Variants in MAGI3 observed in about 807,000 individuals in gnomAD.
The protein encoded by MAGI3 is membrane-associated guanylate kinase, WW and PDZ domain-containing protein 3.
In MAGI3, 43 loss-of-function variants were observed where a neutral mutation model predicts 121.8. That is an observed-to-expected ratio of 0.35 (90% CI 0.28 to 0.46). The LOEUF is 0.46. Ranked by LOEUF, MAGI3 falls within the 20% of genes least tolerant of loss-of-function variation. MAGI3 has a pLI of 1.00. For synonymous variants in MAGI3, 553 were observed against 639.3 expected, an observed-to-expected ratio of 0.86 and a Z score of 2.04; for missense variants, 1,547 against 1,797.3, an observed-to-expected ratio of 0.86 and a Z score of 2.52.
intron 1 of MAGI3, among the ~76,000 whole-genome samples, chr1:113,464,630 T>A (rs1655187202): frequency 6.6e-6 from 1 of 152,220 alleles, no homozygotes; most frequent in East Asian, 1.9e-4. Context: ...GTATAAGGGT[T>A]CCCCTTTGTT....
At position 113,425,226 on chromosome 1, in the gene MAGI3, C is replaced by T. The variant is rs1421480452; in HGVS notation, c.316+33877C>T. ...TGGTAAAATTATCCAGTGAAATAGG[C>T]TAGGCCTGGAGATTTCTTTTTTCAA... is the stretch of plus-strand genomic sequence containing the variant. On this transcript the variant is annotated intron_variant, in intron 1 of 20. Transcript: ENST00000307546. Among the ~76,000 whole-genome samples, 4 of 149,920 alleles carry T rather than the reference C, an allele frequency of 2.7e-5. No homozygotes were observed. In the East Asian group the frequency reaches 5.8e-4, roughly 22 times the overall value.
intron 2 of MAGI3, among the ~76,000 whole-genome samples, chr1:113,568,301 T>A (rs1258362862): frequency 6.6e-6 from 1 of 152,070 alleles, no homozygotes; most frequent in Non-Finnish European, 1.5e-5. Context: ...GAAATTAACC[T>A]CTAATGAAAC....
intron 1 of MAGI3, among the ~76,000 whole-genome samples, chr1:113,505,512 T>TAATAAATAAATAAATAAATAAATA (rs58511819): frequency 2.0e-4 from 27 of 135,598 alleles, no homozygotes; most frequent in South Asian, 2.5e-4. Context: ...GGTCCCTACA[T>TAATAAATAAATAAATAAATAAATA]AATAAATAAA....
intron 1 of MAGI3, among the ~76,000 whole-genome samples, chr1:113,452,111 G>A (rs1654512940): frequency 6.6e-6 from 1 of 152,114 alleles, no homozygotes; most frequent in Admixed American, 6.6e-5. Flanking sequence ...GCAGAAGCAG[G>A]GCAAACTGTT....
chr1:113,676,609 G>C (rs1033397858), intron 19 of MAGI3, among the ~76,000 whole-genome samples: 1 of 152,124 alleles, frequency 6.6e-6, no homozygotes, highest in Non-Finnish European at 1.5e-5. Flanking sequence ...ATCTTGACTT[G>C]ATACAGCTCA....
intron 1 of MAGI3, among the ~76,000 whole-genome samples, chr1:113,415,751 A>T (rs1481574667): frequency 6.6e-6 from 1 of 151,994 alleles, no homozygotes; most frequent in Non-Finnish European, 1.5e-5. Flanking sequence ...TCTCACCAGA[A>T]TATGCTTTGT....
intron 1 of MAGI3, among the ~76,000 whole-genome samples, chr1:113,524,194 G>A (rs149187439): frequency 3.3e-5 from 5 of 152,310 alleles, no homozygotes; most frequent in Admixed American, 2.6e-4. Flanking sequence ...AGTTTGCTGC[G>A]GGGATGGGGC....
At chr1:113,470,674 G>A (rs1655499346) in intron 1 of MAGI3, among the ~76,000 whole-genome samples, 1 of 152,102 alleles carries the variant, frequency 6.6e-6, no homozygotes, top group Non-Finnish European at 1.5e-5. Context: ...TTAGAATCCT[G>A]TAAACAACAT....
intron 9 of MAGI3, among the ~76,000 whole-genome samples, chr1:113,626,437 T>A (rs973588006): frequency 2.6e-5 from 4 of 152,184 alleles, no homozygotes; most frequent in Non-Finnish European, 5.9e-5. Context: ...TTTTTTGATA[T>A]GTCTTTGATT....
chr1:113,512,656 C>T (rs1444666523), intron 1 of MAGI3, among the ~76,000 whole-genome samples: 1 of 152,148 alleles, frequency 6.6e-6, no homozygotes, highest in Admixed American at 6.6e-5. Context: ...ATGACAAACC[C>T]ACAACCAATA....
At chr1:113,464,552 T>C (rs533641022) in intron 1 of MAGI3, among the ~76,000 whole-genome samples, 10 of 152,318 alleles carry the variant, frequency 6.6e-5, no homozygotes, top group African/African-American at 2.2e-4. Context: ...GTTCTATTTT[T>C]TATTTCTTCA....
intron 6 of MAGI3, among the ~76,000 whole-genome samples, chr1:113,595,700 A>C (rs1182251492): frequency 2.0e-5 from 3 of 152,216 alleles, no homozygotes; most frequent in Non-Finnish European, 4.4e-5. Flanking sequence ...GCAAGTTCTC[A>C]ACACTAAAAA....
At chr1:113,507,495 T>C (rs1282019270) in intron 1 of MAGI3, among the ~76,000 whole-genome samples, 4 of 152,236 alleles carry the variant, frequency 2.6e-5, no homozygotes, top group South Asian at 2.1e-4. Context: ...TTTTCTCTTA[T>C]ACTTCCAAGT....
intron 7 of MAGI3, among the ~76,000 whole-genome samples, chr1:113,615,387 C>T (rs559168044): frequency 6.6e-6 from 1 of 152,272 alleles, no homozygotes; most frequent in South Asian, 2.1e-4. Context: ...CTATCAGAAA[C>T]ATTACTATTT....
intron 1 of MAGI3, among the ~76,000 whole-genome samples, chr1:113,529,426 G>A (rs1658604890): frequency 6.6e-6 from 1 of 152,190 alleles, no homozygotes; most frequent in Non-Finnish European, 1.5e-5. Flanking sequence ...TGAGGCAGAA[G>A]GTTAAGGAGC....
chr1:113,616,407 G>A (rs1385842906), intron 7 of MAGI3, among the ~76,000 whole-genome samples: 2 of 152,208 alleles, frequency 1.3e-5, no homozygotes, highest in African/African-American at 4.8e-5. Flanking sequence ...CTCGACCATA[G>A]TAATCTGCAG....
intron 1 of MAGI3, among the ~76,000 whole-genome samples, chr1:113,544,296 A>G (rs1659430490): frequency 6.6e-6 from 1 of 152,190 alleles, no homozygotes; most frequent in Non-Finnish European, 1.5e-5. Context: ...CTAATGGAAA[A>G]GGACTAGTTT....
intron 1 of MAGI3, among the ~76,000 whole-genome samples, chr1:113,399,317 C>T (rs1651281774): frequency 6.6e-6 from 1 of 152,066 alleles, no homozygotes. Flanking sequence ...GGCGTGGGGA[C>T]ATGTCTACCC....
chr1:113,473,031 T>C (rs1655618740), intron 1 of MAGI3, among the ~76,000 whole-genome samples: 1 of 152,232 alleles, frequency 6.6e-6, no homozygotes, highest in Admixed American at 6.5e-5. Flanking sequence ...AATTTGAATT[T>C]ATAGTAACTT....
Sources: allele counts gnomAD v4.1 joint callset (sites outside exome capture counted in the v4.1 genomes callset), GRCh38; gene constraint gnomAD v4.1.1; transcripts MANE v1.5; gene names NCBI Gene and HGNC (gene_info 2026-07-23, HGNC 2026-07-21).